The following MECOM variants were observed in gnomAD, a reference collection of about 807,000 sequenced individuals.
MECOM encodes the protein histone-lysine N-methyltransferase MECOM.
Under a neutral mutation model 116.3 loss-of-function variants are expected in MECOM, and 13 were observed. The ratio of observed to expected loss-of-function variants is 0.11; its 90% CI spans 0.07 to 0.18. The LOEUF (loss-of-function observed/expected upper bound fraction) is 0.18. MECOM is among the 10% of genes least tolerant of loss of function. MECOM has a pLI of 1.00. For synonymous variants in MECOM, 528 were observed against 535.2 expected, an observed-to-expected ratio of 0.99 and a Z score of 0.19; for missense variants, 1,299 against 1,509.0, an observed-to-expected ratio of 0.86 and a Z score of 2.31.
chr3:169,610,513 G>GTA, intron 1 of MECOM, among the ~76,000 whole-genome samples: 1 of 125,694 alleles, frequency 8.0e-6, no homozygotes, highest in African/African-American at 3.0e-5. Flanking sequence ...GTGTGTGTGT[G>GTA]TGTGTGTGTG....
intron 3 of MECOM, among the ~76,000 whole-genome samples, chr3:169,134,997 A>G (rs1735917502): frequency 6.6e-6 from 1 of 152,154 alleles, no homozygotes; most frequent in South Asian, 2.1e-4. Context: ...TGATTTATAT[A>G]GATTTTCTCA....
rs74345972 is a variant in MECOM, at chr3:169,401,264, C to T, written c.38-19740G>A. ...GCCTGCCTTAAGCTAGGTTCCCCTA[C>T]TCAAAAAACATACAGCCCTGATCAA... On this transcript the variant is annotated intron_variant, in intron 1 of 16. Coordinates refer to ENST00000651503, the MANE Select transcript of MECOM (RefSeq NM_004991.4). 1.8e-3 allele frequency among the ~76,000 whole-genome samples: 277 copies of T among 152,288 alleles called. 5 individuals are homozygous for T. In the East Asian group the frequency reaches 0.047, roughly 26 times the overall value.
At chr3:169,480,562 T>C (rs1353735488) in intron 1 of MECOM, among the ~76,000 whole-genome samples, 1 of 152,218 alleles carries the variant, frequency 6.6e-6, no homozygotes, top group Non-Finnish European at 1.5e-5. Flanking sequence ...CGTAAATAAG[T>C]TGGCCTTTTA....
intron 1 of MECOM, among the ~76,000 whole-genome samples, chr3:169,443,166 A>G (rs766395896): frequency 2.0e-5 from 3 of 152,206 alleles, no homozygotes; most frequent in Non-Finnish European, 4.4e-5. Context: ...TTGGTATCCC[A>G]TGGAAAAGAA....
chr3:169,547,545 C>A (rs1478093807), intron 1 of MECOM, among the ~76,000 whole-genome samples: 1 of 152,160 alleles, frequency 6.6e-6, no homozygotes, highest in African/African-American at 2.4e-5. Context: ...ACTCTCTGAC[C>A]TTCTTTGGGA....
intron 1 of MECOM, among the ~76,000 whole-genome samples, chr3:169,492,111 G>A (rs1156634244): frequency 1.3e-5 from 2 of 152,144 alleles, no homozygotes; most frequent in Admixed American, 6.5e-5. Context: ...TCAGTTTCAT[G>A]GGGTCAGTGG....
At chr3:169,224,432 AG>A (rs545195302) in intron 2 of MECOM, among the ~76,000 whole-genome samples, 7 of 152,152 alleles carry the variant, frequency 4.6e-5, no homozygotes, top group African/African-American at 7.2e-5. Flanking sequence ...GAATGGCTTG[AG>A]GGGGATGCCA....
intron 1 of MECOM, among the ~76,000 whole-genome samples, chr3:169,576,992 CTTGCTAACGCTACT>C (rs1471471105): frequency 1.3e-5 from 2 of 152,172 alleles, no homozygotes; most frequent in Non-Finnish European, 2.9e-5. Context: ...AACTTCTTCA[CTTGCTAACGCTACT>C]TTAGACATGG....
chr3:169,395,350 C>A (rs1263721399), intron 1 of MECOM, among the ~76,000 whole-genome samples: 1 of 152,168 alleles, frequency 6.6e-6, no homozygotes, highest in African/African-American at 2.4e-5. Flanking sequence ...TGGCTGGTAC[C>A]TTTTTCTCCT....
intron 2 of MECOM, among the ~76,000 whole-genome samples, chr3:169,373,874 C>T (rs942357825): frequency 6.6e-6 from 1 of 151,914 alleles, no homozygotes; most frequent in African/African-American, 2.4e-5. Flanking sequence ...TATATTCATC[C>T]ATCCATTCTT....
chr3:169,633,589 A>G (rs1230282617), intron 1 of MECOM, among the ~76,000 whole-genome samples: 1 of 152,158 alleles, frequency 6.6e-6, no homozygotes, highest in Non-Finnish European at 1.5e-5. Context: ...CCTGTTTCCC[A>G]CAGCCAGCAC....
intron 1 of MECOM, among the ~76,000 whole-genome samples, chr3:169,418,121 T>TA (rs1739027749): frequency 8.7e-6 from 1 of 115,538 alleles, no homozygotes; most frequent in African/African-American, 3.3e-5. Context: ...AAAAAAAAAC[T>TA]AAACAAAAAA....
intron 1 of MECOM, among the ~76,000 whole-genome samples, chr3:169,589,258 G>A (rs1766119446): frequency 6.6e-6 from 1 of 151,930 alleles, no homozygotes; most frequent in Non-Finnish European, 1.5e-5. Context: ...AAGGCCCCAG[G>A]ATATTAACCT....
At chr3:169,472,467 G>A (rs1470096871) in intron 1 of MECOM, among the ~76,000 whole-genome samples, 2 of 12,604 alleles carry the variant, frequency 1.6e-4, no homozygotes, top group Non-Finnish European at 3.5e-4. Context: ...AGGGAAAGAA[G>A]GAAAGGAAAG....
intron 2 of MECOM, among the ~76,000 whole-genome samples, chr3:169,261,857 T>C (rs1757599322): frequency 6.6e-6 from 1 of 152,248 alleles, no homozygotes; most frequent in Non-Finnish European, 1.5e-5. Flanking sequence ...TGTGTTTTTA[T>C]GCTTACAAAT....
chr3:169,380,102 A>C (rs1465747921), intron 2 of MECOM, among the ~76,000 whole-genome samples: 1 of 152,162 alleles, frequency 6.6e-6, no homozygotes, highest in East Asian at 1.9e-4. Context: ...GCAAGAGGAC[A>C]AAAAGTTGAA....
chr3:169,622,802 T>C (rs1374757444), intron 1 of MECOM, among the ~76,000 whole-genome samples: 1 of 152,074 alleles, frequency 6.6e-6, no homozygotes, highest in Non-Finnish European at 1.5e-5. Flanking sequence ...TAGTATAATA[T>C]AGTGGTTAAG....
intron 1 of MECOM, among the ~76,000 whole-genome samples, chr3:169,455,844 A>T (rs750467874): frequency 1.3e-4 from 20 of 152,192 alleles, no homozygotes; most frequent in South Asian, 6.2e-4. Flanking sequence ...TGGTTTGTCC[A>T]TCATGAATGT....
chr3:169,621,051 T>C (rs960829673), intron 1 of MECOM, among the ~76,000 whole-genome samples: 2 of 152,222 alleles, frequency 1.3e-5, no homozygotes, highest in Non-Finnish European at 2.9e-5. Context: ...TGAGGCCAGC[T>C]GCTCTCCAAT....
Sources: gnomAD v4.1 joint callset for allele counts (sites outside exome capture counted in the v4.1 genomes callset) on GRCh38, gnomAD v4.1.1 for gene constraint, MANE v1.5 for transcripts, NCBI Gene and HGNC (gene_info 2026-07-23, HGNC 2026-07-21) for gene names.